The following IMMP2L variants were observed in gnomAD, a reference collection of about 807,000 sequenced individuals.
IMMP2L encodes the protein mitochondrial inner membrane protease subunit 2.
IMMP2L carries 18 observed loss-of-function variants against 19.3 expected under a neutral mutation model. That is an observed-to-expected ratio of 0.93 (90% CI 0.64 to 1.38). The LOEUF (loss-of-function observed/expected upper bound fraction) is 1.38. Ranked by LOEUF, IMMP2L falls within the 40% of genes most tolerant of loss-of-function variation. The probability of loss-of-function intolerance (pLI) is 0.00; values close to 1 mark genes in which losing one functional copy is unlikely to be tolerated. For synonymous variants in IMMP2L, 76 were observed against 73.0 expected (o/e 1.04, Z -0.21); for missense variants, 233 against 218.2 (o/e 1.07, Z -0.43).
At chr7:111,021,109 A>T (rs1585795202) in intron 3 of IMMP2L, among the ~76,000 whole-genome samples, 1 of 152,362 alleles carries the variant, frequency 6.6e-6, no homozygotes, top group South Asian at 2.1e-4. Flanking sequence ...TATTCAGAAT[A>T]ACACTGCTCA....
chr7:111,480,376 G>C (rs1037637246), intron 3 of IMMP2L, among the ~76,000 whole-genome samples: 1 of 151,742 alleles, frequency 6.6e-6, no homozygotes, highest in Non-Finnish European at 1.5e-5. Flanking sequence ...CACTGTTCCC[G>C]GCCAAGGATA....
At chr7:111,354,205 T>C (rs1828465452) in intron 3 of IMMP2L, among the ~76,000 whole-genome samples, 1 of 151,968 alleles carries the variant, frequency 6.6e-6, no homozygotes. Flanking sequence ...TCCAGCTGAA[T>C]AGTTAAAAAT....
rs113876732 is a variant in IMMP2L at position 111,224,511 on chromosome 7, G to A, written c.240-260946C>T. Among the ~76,000 whole-genome samples the A allele has an allele frequency of 3.4e-3, 523 of 152,132 alleles. 3 individuals carry two copies. The highest frequency in any genetic ancestry group is 0.012 in the African/African-American group (496 of 41,494). On this transcript the variant is annotated intron_variant, in intron 3 of 5. Transcript: ENST00000405709. ...AATACCATCTTCCAAAATTACTCAA[G>A]TAGTAAACTAAATGATGATTGCAAT...
chr7:111,024,280 T>C (rs1011941677), intron 3 of IMMP2L, among the ~76,000 whole-genome samples: 20 of 152,218 alleles, frequency 1.3e-4, no homozygotes, highest in African/African-American at 4.8e-5. Context: ...ACACCTGTTC[T>C]TTCCTTCCAG....
At chr7:111,236,274 T>C (rs1814302277) in intron 3 of IMMP2L, among the ~76,000 whole-genome samples, 1 of 152,136 alleles carries the variant, frequency 6.6e-6, no homozygotes, top group Non-Finnish European at 1.5e-5. Context: ...CATATTCTTG[T>C]GTCCTGAGGA....
intron 5 of IMMP2L, among the ~76,000 whole-genome samples, chr7:110,837,707 G>C (rs898269803): frequency 2.6e-5 from 4 of 152,106 alleles, no homozygotes; most frequent in Admixed American, 2.6e-4. Context: ...AGAGAAAACC[G>C]ATTTTTAGTT....
intron 3 of IMMP2L, among the ~76,000 whole-genome samples, chr7:111,054,435 C>T (rs940330621): frequency 2.0e-5 from 3 of 152,174 alleles, no homozygotes; most frequent in African/African-American, 7.2e-5. Context: ...AAACCATTTG[C>T]AGTCTTTACA....
At chr7:111,349,976 T>G in intron 3 of IMMP2L, among the ~76,000 whole-genome samples, 1 of 152,010 alleles carries the variant, frequency 6.6e-6, no homozygotes, top group East Asian at 1.9e-4. Context: ...GGTCCTTTTT[T>G]TTTTTTTTGA....
At chr7:111,137,879 C>T (rs1214068620) in intron 3 of IMMP2L, among the ~76,000 whole-genome samples, 1 of 152,182 alleles carries the variant, frequency 6.6e-6, no homozygotes, top group Non-Finnish European at 1.5e-5. Context: ...GCCTGGAGTA[C>T]AGTGACATGA....
intron 5 of IMMP2L, among the ~76,000 whole-genome samples, chr7:110,839,457 A>G (rs1172229683): frequency 6.6e-6 from 1 of 152,014 alleles, no homozygotes; most frequent in Non-Finnish European, 1.5e-5. Context: ...TTTTATGACA[A>G]AAGAGGTCCT....
intron 3 of IMMP2L, among the ~76,000 whole-genome samples, chr7:111,004,423 G>A (rs1041855100): frequency 7.9e-5 from 12 of 151,932 alleles, no homozygotes; most frequent in African/African-American, 1.9e-4. Context: ...TCTTGGCCTC[G>A]CAAAGTGCTG....
intron 3 of IMMP2L, among the ~76,000 whole-genome samples, chr7:111,282,883 C>T (rs1820056816): frequency 6.6e-6 from 1 of 152,084 alleles, no homozygotes; most frequent in African/African-American, 2.4e-5. Context: ...ATGGCCTGGC[C>T]AATAACTCAC....
chr7:111,502,488 A>C (rs1465224912), intron 2 of IMMP2L, among the ~76,000 whole-genome samples: 2 of 151,968 alleles, frequency 1.3e-5, no homozygotes, highest in African/African-American at 4.8e-5. Flanking sequence ...CATCTACAGA[A>C]CTCTCCACCC....
At chr7:111,260,247 C>T (rs1234943201) in intron 3 of IMMP2L, among the ~76,000 whole-genome samples, 3 of 152,102 alleles carry the variant, frequency 2.0e-5, no homozygotes, top group Non-Finnish European at 2.9e-5. Context: ...ACACCAGCAT[C>T]GCCACAAACA....
chr7:110,856,960 A>G (rs1036923958), intron 5 of IMMP2L, among the ~76,000 whole-genome samples: 1 of 152,054 alleles, frequency 6.6e-6, no homozygotes, highest in African/African-American at 2.4e-5. Context: ...ACATTCTCTG[A>G]CATTCATCTG....
chr7:110,677,016 C>A (rs1033246243), intron 5 of IMMP2L, among the ~76,000 whole-genome samples: 1 of 152,160 alleles, frequency 6.6e-6, no homozygotes, highest in African/African-American at 2.4e-5. Context: ...GATGTCTTGA[C>A]AGTACAGAGA....
chr7:111,371,744 A>T (rs1382185716), intron 3 of IMMP2L, among the ~76,000 whole-genome samples: 1 of 152,082 alleles, frequency 6.6e-6, no homozygotes, highest in African/African-American at 2.4e-5. Context: ...CTAAAAATTT[A>T]AAATTCTAAA....
chr7:110,813,296 CTTTT>C (rs1040058130), intron 5 of IMMP2L, among the ~76,000 whole-genome samples: 1 of 151,836 alleles, frequency 6.6e-6, no homozygotes, highest in African/African-American at 2.4e-5. Context: ...ACTGTTTTTC[CTTTT>C]TTTATTTGGT....
At chr7:111,255,111 C>T (rs1816563939) in intron 3 of IMMP2L, among the ~76,000 whole-genome samples, 1 of 152,050 alleles carries the variant, frequency 6.6e-6, no homozygotes, top group African/African-American at 2.4e-5. Flanking sequence ...CCCAATCCCA[C>T]TATTTTAACA....
Sources: gnomAD v4.1 joint callset for allele counts (sites outside exome capture counted in the v4.1 genomes callset) on GRCh38, gnomAD v4.1.1 for gene constraint, MANE v1.5 for transcripts, NCBI Gene and HGNC (gene_info 2026-07-23, HGNC 2026-07-21) for gene names.